Variants in SAFB observed in about 807,000 individuals in gnomAD.
SAFB encodes the protein scaffold attachment factor B1.
A neutral mutation model predicts 101.6 loss-of-function variants in SAFB; 15 were observed. The observed-to-expected ratio is 0.15, with a 90% confidence interval of 0.10 to 0.23. The LOEUF (loss-of-function observed/expected upper bound fraction) is 0.23, where lower values mean the gene tolerates loss of function less well. Ranked by LOEUF, SAFB falls within the 10% of genes least tolerant of loss-of-function variation. The pLI, the probability that SAFB is intolerant of heterozygous loss-of-function variation, is 1.00. For missense variants in SAFB, 930 were observed against 1,104.1 expected, an observed-to-expected ratio of 0.84 and a Z score of 2.23; for synonymous variants, 449 against 407.5, an observed-to-expected ratio of 1.10 and a Z score of -1.23.
chr19:5,638,406 C>T (rs961076069), intron 2 of SAFB, among the ~76,000 whole-genome samples: 1 of 152,128 alleles, frequency 6.6e-6, no homozygotes, highest in African/African-American at 2.4e-5. Flanking sequence ...GCAACCTCTG[C>T]CTCCTGGGTT....
intron 14 of SAFB, among the ~76,000 whole-genome samples, chr19:5,660,937 CTTTTTT>C (rs35511041): frequency 5.3e-5 from 2 of 38,024 alleles, no homozygotes; most frequent in African/African-American, 1.1e-4. Context: ...TACTCTGTGG[CTTTTTT>C]TTTTTTTTTT....
At chr19:5,633,462 C>T (rs2053531086) in intron 2 of SAFB, among the ~76,000 whole-genome samples, 2 of 152,116 alleles carry the variant, frequency 1.3e-5, no homozygotes, top group African/African-American at 2.4e-5. Flanking sequence ...GTGCCCTGGG[C>T]CCTTTTGAGG....
intron 12 of SAFB, 22 bp downstream of exon 12, chr19:5,654,222 G>A (rs1183398580): frequency 6.2e-7 from 1 of 1,613,684 alleles, no homozygotes; most frequent in South Asian, 1.1e-5. Context: ...ATGAGCCCAG[G>A]AGATTCTGTC....
intron 2 of SAFB, among the ~76,000 whole-genome samples, chr19:5,635,651 G>A (rs1004266154): frequency 1.3e-5 from 2 of 152,110 alleles, no homozygotes; most frequent in African/African-American, 4.8e-5. Context: ...TGGGTACTAT[G>A]GGAGCATCCC....
At chr19:5,642,590 T>A (rs2053741342) in intron 4 of SAFB, among the ~76,000 whole-genome samples, 1 of 151,604 alleles carries the variant, frequency 6.6e-6, no homozygotes, top group African/African-American at 2.4e-5. Flanking sequence ...GATAGTAAGA[T>A]TATAGTGGGT....
intron 14 of SAFB, among the ~76,000 whole-genome samples, chr19:5,660,209 T>A (rs2054163125): frequency 6.6e-6 from 1 of 152,118 alleles, no homozygotes; most frequent in Non-Finnish European, 1.5e-5. Flanking sequence ...TATTTCTGCA[T>A]ATAACCCATG....
intron 2 of SAFB, among the ~76,000 whole-genome samples, chr19:5,640,825 A>G (rs1275388058): frequency 6.6e-6 from 1 of 152,132 alleles, no homozygotes; most frequent in East Asian, 1.9e-4. Flanking sequence ...TCCTGACCTC[A>G]AGTGATCCAC....
rs1463084485 is a variant in SAFB at position 5,664,013 on chromosome 19, C to T, written c.2154-9C>T. 22 of 1,612,854 alleles carry T rather than the reference C, an allele frequency of 1.4e-5. No homozygotes were observed. In the East Asian group the frequency reaches 4.9e-4, roughly 36 times the overall value. On this transcript the variant is annotated splice_polypyrimidine_tract_variant and intron_variant, in intron 15 of 20. Transcript: ENST00000588852. ...GATCCCTCTATCTCTGTCTCATGTC[C>T]CCTCACAGGCGAGATGATGCCTATT...
intron 2 of SAFB, among the ~76,000 whole-genome samples, chr19:5,640,033 T>C (rs932987216): frequency 2.6e-5 from 4 of 152,044 alleles, no homozygotes; most frequent in Non-Finnish European, 5.9e-5. Context: ...TGGTTTTTTT[T>C]AGTAGAGACA....
chr19:5,648,317 A>G (rs1035458762), intron 6 of SAFB: 3 of 452,088 alleles, frequency 6.6e-6, no homozygotes, highest in Non-Finnish European at 1.2e-5. Context: ...TGAATCATAC[A>G]TAGAGAAAGA....
chr19:5,640,634 G>A (rs1292001665), intron 2 of SAFB, among the ~76,000 whole-genome samples: 8 of 152,124 alleles, frequency 5.3e-5, no homozygotes, highest in Non-Finnish European at 1.5e-5. Flanking sequence ...CTGTCATCCA[G>A]GCTGGAGTGC....
At chr19:5,635,878 A>G (rs995628867) in intron 2 of SAFB, among the ~76,000 whole-genome samples, 2 of 152,082 alleles carry the variant, frequency 1.3e-5, no homozygotes, top group East Asian at 3.9e-4. Context: ...AGACAAATCA[A>G]TGGCTCTTCA....
chr19:5,641,954 A>G lies in SAFB; in HGVS notation c.546+8A>G. 1 of 1,609,786 alleles carries G rather than the reference A, an allele frequency of 6.2e-7. No homozygotes were observed. The highest frequency in any genetic ancestry group is 8.5e-7 in the Non-Finnish European group (1 of 1,176,084). ...CAGCTTCAGGAACATGCTGTAGGTA[A>G]CCGGCAATGTCTCTAGAATGTGCCC... On this transcript the variant is annotated splice_region_variant and intron_variant, in intron 4 of 20. Coordinates refer to ENST00000588852, the MANE Select transcript of SAFB (RefSeq NM_001201338.2).
Position 5,667,756 on chromosome 19 carries a change from A to C in SAFB, c.2558-64A>C. 1 of 1,550,918 alleles carries C rather than the reference A, an allele frequency of 6.4e-7. No homozygotes were observed. Among genetic ancestry groups the C allele is most frequent in the Non-Finnish European group, 8.9e-7 (1 of 1,125,064 alleles). On this transcript the variant is annotated intron_variant, in intron 19 of 20. Coordinates refer to ENST00000588852, the MANE Select transcript of SAFB (RefSeq NM_001201338.2). This position sits in a 1 kb window ranked among gnomAD's most constrained non-coding sequence, Gnocchi z 4.0. ...TCACCAAAGGGAGTGGAGTGGGCTA[A>C]ATGTGCCGTGGGTTCCACGCCGTGT...
Position 5,667,396 on chromosome 19 carries a change from T to C in SAFB, c.2503T>C (p.Trp835Arg). ...TGGCCGAAGAGAGGATGACCGGTCA[T>C]GGCAGGGCACGGCCGACGGGGGCAT... is the stretch of plus-strand genomic sequence containing the variant. Reference protein sequence around the residue: ...DHGRREDDRSWQGTADGGMMD... With the variant: ...DHGRREDDRSRQGTADGGMMD... Residue 835 changes from tryptophan to arginine, a missense_variant, in exon 19 of 21, where the codon TGG becomes CGG. Coordinates refer to ENST00000588852, the MANE Select transcript of SAFB (RefSeq NM_001201338.2). The surrounding 1 kb of genome is among the most constrained non-coding windows in gnomAD (Gnocchi z 4.0). 1 of 1,514,614 alleles carries C rather than the reference T, an allele frequency of 6.6e-7. No homozygotes were observed. The highest frequency in any genetic ancestry group is 8.8e-7 in the Non-Finnish European group (1 of 1,137,414). 93.8% of individuals were successfully genotyped at this position (1,514,614 alleles called of 1,614,324 possible).
At position 5,667,199 on chromosome 19, in the gene SAFB, C is replaced by CA. The variant is rs2054349640; in HGVS notation, c.2453+35_2453+36insA. On this transcript the variant is annotated intron_variant, in intron 18 of 20. Transcript: ENST00000588852. This position sits in a 1 kb window ranked among gnomAD's most constrained non-coding sequence, Gnocchi z 4.0. ...CCACACCCGACAGTACCTGACCCCCCCCCCGCCCACAAGGGGGCCCGCAAG... is the reference window on the plus strand; with the variant it reads ...CCACACCCGACAGTACCTGACCCCCCACCCCGCCCACAAGGGGGCCCGCAAG... 7 of 1,316,802 alleles carry CA rather than the reference C, an allele frequency of 5.3e-6. No individual in the cohort carries two copies. Among genetic ancestry groups the CA allele is most frequent in the African/African-American group, 1.5e-5 (1 of 68,124 alleles). The allele number at this position is 1,316,802 out of a possible 1,614,324, so 81.6% of individuals were successfully genotyped here.
chr19:5,664,902 G>C (rs949177728), intron 17 of SAFB: 7 of 183,008 alleles, frequency 3.8e-5, no homozygotes, highest in African/African-American at 1.7e-4. Context: ...CTAGATCTGT[G>C]GTCTGTGCTC....
chr19:5,628,648 T>G (rs1599313942), intron 2 of SAFB, among the ~76,000 whole-genome samples: 1 of 152,280 alleles, frequency 6.6e-6, no homozygotes, highest in East Asian at 1.9e-4. Flanking sequence ...AACTAATACT[T>G]GGTGGTGAAG....
chr19:5,627,342 C>G (rs2053388921), intron 2 of SAFB, among the ~76,000 whole-genome samples: 1 of 151,900 alleles, frequency 6.6e-6, no homozygotes, highest in African/African-American at 2.4e-5. Context: ...TCGAGGCACG[C>G]CTGTTTTCCT....
Sources: gnomAD v4.1 joint callset for allele counts (sites outside exome capture counted in the v4.1 genomes callset) on GRCh38, gnomAD v4.1.1 for gene constraint, Gnocchi (gnomAD v3.1) non-coding constraint, MANE v1.5 for transcripts, NCBI Gene and HGNC (gene_info 2026-07-23, HGNC 2026-07-21) for gene names.